Variants in DMC1 observed in about 807,000 individuals in gnomAD.
DMC1 encodes the protein DNA meiotic recombinase 1.
In DMC1, 27 loss-of-function variants were observed where a neutral mutation model predicts 50.1. The observed-to-expected ratio is 0.54, with a 90% CI of 0.40 to 0.74. The LOEUF is 0.74. Ranked by LOEUF, DMC1 falls within the 30% of genes least tolerant of loss-of-function variation. The pLI is 0.00. For synonymous variants in DMC1, 148 were observed against 136.1 expected (o/e 1.09, Z -0.61); for missense variants, 295 against 420.2 (o/e 0.70, Z 2.60).
In DMC1 at chr22:38,538,308, T is replaced by G; in HGVS notation, c.762A>C (p.Gln254His). 6.2e-7 allele frequency: 1 copy of G among 1,614,024 alleles called. No homozygotes were observed. Among genetic ancestry groups the G allele is most frequent in the Non-Finnish European group, 8.5e-7 (1 of 1,179,888 alleles). ...QKLAQMLSRL[Q>H]KISEEYNVAV... ...TTAAAGATATACCTTCTGAGATTTT[T>G]TGGAGTCGTGACAACATCTGGGCCA... Residue 254 changes from glutamine to histidine, a missense_variant, in exon 11 of 14, where the codon CAA becomes CAC. Transcript: ENST00000216024.
intron 8 of DMC1, among the ~76,000 whole-genome samples, chr22:38,540,334 C>A (rs2090266792): frequency 1.3e-5 from 2 of 152,142 alleles, no homozygotes; most frequent in African/African-American, 2.4e-5. Context: ...GCATGAGCCA[C>A]CATGCCTAGC....
intron 7 of DMC1, among the ~76,000 whole-genome samples, chr22:38,550,539 C>A (rs1433678098): frequency 6.6e-6 from 1 of 151,058 alleles, no homozygotes; most frequent in Non-Finnish European, 1.5e-5. Flanking sequence ...GTCTTGATCT[C>A]CTGACCTCGT....
chr22:38,552,150 CG>C lies in DMC1; in HGVS notation c.421+515del, dbSNP rs1346588111. On this transcript the variant is annotated intron_variant, in intron 7 of 13. Coordinates refer to ENST00000216024, the MANE Select transcript of DMC1 (RefSeq NM_007068.4). ...TGCTGGGATTACAGGCGTGAGCCAC[CG>C]GGCCCGGCCAGAACTCCTTTCTTAA... Among the ~76,000 whole-genome samples the C allele has an allele frequency of 3.3e-5, 5 of 152,038 alleles. No individual in the cohort carries two copies. The East Asian group carries it at 9.6e-4, about 29-fold the overall frequency.
At chr22:38,533,327 C>T (rs887263696) in intron 12 of DMC1, among the ~76,000 whole-genome samples, 3 of 137,532 alleles carry the variant, frequency 2.2e-5, no homozygotes, top group Non-Finnish European at 3.0e-5. Context: ...ACCTGGGAGG[C>T]GGAGCTTGCA....
At chr22:38,511,007 G>A in the DMC1 span, among the ~76,000 whole-genome samples, 4 of 152,200 alleles carry the variant, frequency 2.6e-5, no homozygotes, top group African/African-American at 4.8e-5. Context: ...GGTGGCATGT[G>A]CCTATAGTCC....
chr22:38,525,526 T>A (rs190514471), intron 12 of DMC1, among the ~76,000 whole-genome samples: 19 of 152,186 alleles, frequency 1.2e-4, no homozygotes, highest in Non-Finnish European at 1.5e-5. Context: ...TAGAGACAAT[T>A]GCTTGTCATT....
downstream of DMC1, among the ~76,000 whole-genome samples, chr22:38,514,854 T>C (rs2089965317): frequency 6.6e-6 from 1 of 152,118 alleles, no homozygotes; most frequent in African/African-American, 2.4e-5. Context: ...ATCTGCCCCT[T>C]GTTTAGCACA....
intron 5 of DMC1, among the ~76,000 whole-genome samples, chr22:38,556,086 C>A (rs566818987): frequency 8.5e-5 from 13 of 152,204 alleles, no homozygotes; most frequent in Non-Finnish European, 1.6e-4. Context: ...CCTGCCTTGG[C>A]TTCCCAAAGT....
downstream of DMC1, among the ~76,000 whole-genome samples, chr22:38,515,155 T>G (rs1475617294): frequency 6.7e-5 from 10 of 149,832 alleles, no homozygotes; most frequent in Non-Finnish European, 1.5e-4. Context: ...CGTGAGCCAC[T>G]GTGCCTAGCC....
chr22:38,532,625 CTT>C (rs1179534926), intron 12 of DMC1, among the ~76,000 whole-genome samples: 3 of 138,414 alleles, frequency 2.2e-5, no homozygotes, highest in Admixed American at 7.3e-5. Context: ...GTTCACAAGA[CTT>C]TTTTTTTTTT....
the DMC1 span, among the ~76,000 whole-genome samples, chr22:38,512,164 G>A: frequency 6.6e-6 from 1 of 152,052 alleles, no homozygotes; most frequent in African/African-American, 2.4e-5. Flanking sequence ...TAGTAGAGAT[G>A]AGATTTCACC....
intron 11 of DMC1, 142 bp downstream of exon 11, chr22:38,538,153 A>C (rs1005560430): frequency 4.1e-6 from 3 of 736,124 alleles, no homozygotes; most frequent in Non-Finnish European, 6.8e-6. Flanking sequence ...CAAAAAACAA[A>C]AAAAAAACAA....
rs111255444 is a variant in DMC1 at position 38,519,669 on chromosome 22, G to A, written c.*351C>T. On this transcript the variant is annotated 3_prime_UTR_variant, in exon 14 of 14. Coordinates refer to ENST00000216024, the MANE Select transcript of DMC1 (RefSeq NM_007068.4). ...AGTGGCTCACTTTGAAAAGTGAAAGGGAGGGAATCACGTACTCCTTTCCCA... is the reference window on the plus strand; with the variant it reads ...AGTGGCTCACTTTGAAAAGTGAAAGAGAGGGAATCACGTACTCCTTTCCCA... The A allele has an allele frequency of 6.0e-4, 169 of 279,740 alleles. No individual in the cohort carries two copies. Among genetic ancestry groups the A allele is most frequent in the African/African-American group, 3.5e-3 (157 of 45,432 alleles). The allele number at this position is 279,740 out of a possible 1,614,324, so 17.3% of individuals were successfully genotyped here. A position where few individuals can be genotyped will look rare whatever the true frequency, so the allele number is the denominator to read the frequency against.
the DMC1 span, among the ~76,000 whole-genome samples, chr22:38,509,153 G>T: frequency 6.6e-6 from 1 of 152,224 alleles, no homozygotes; most frequent in Non-Finnish European, 1.5e-5. Context: ...CACCTTGCCT[G>T]GCCTTTGTCA....
At chr22:38,552,611 T>A in intron 7 of DMC1, 55 bp downstream of exon 7, 1 of 1,184,396 alleles carries the variant, frequency 8.4e-7, no homozygotes, top group East Asian at 2.3e-5. Context: ...ACATAGTAGA[T>A]GTTTGATAAG....
chr22:38,543,230 G>GTTT (rs1234016755), intron 8 of DMC1, among the ~76,000 whole-genome samples: 12 of 131,536 alleles, frequency 9.1e-5, no homozygotes, highest in South Asian at 2.5e-4. Flanking sequence ...CCTGTAAATT[G>GTTT]TTTTTTTTTT....
At chr22:38,562,403 G>T in intron 4 of DMC1, 34 bp from the exon 5 acceptor site, 1 of 1,434,248 alleles carries the variant, frequency 7.0e-7, no homozygotes, top group Non-Finnish European at 9.8e-7. Context: ...TTCAAAAAGA[G>T]TTTAAAGATC....
chr22:38,554,911 G>A (rs1306775510), intron 6 of DMC1, among the ~76,000 whole-genome samples: 3 of 151,940 alleles, frequency 2.0e-5, no homozygotes, highest in Non-Finnish European at 4.4e-5. Flanking sequence ...GTGAAACCCC[G>A]TCTCCACTAA....
At chr22:38,555,505 T>C (rs1569167441) in intron 5 of DMC1, 96 bp from the exon 6 acceptor site, 11 of 775,360 alleles carry the variant, frequency 1.4e-5, no homozygotes, top group Non-Finnish European at 2.2e-5. Flanking sequence ...CCTATCTATG[T>C]ATCTATCTAT....
Sources: gnomAD v4.1 joint callset for allele counts (sites outside exome capture counted in the v4.1 genomes callset) on GRCh38, gnomAD v4.1.1 for gene constraint, MANE v1.5 for transcripts, NCBI Gene and HGNC (gene_info 2026-07-23, HGNC 2026-07-21) for gene names.